SYDE1: variants seen among roughly 807,000 people sequenced by gnomAD.
SYDE1 encodes rho GTPase-activating protein SYDE1.
SYDE1 carries 34 observed loss-of-function variants against 63.3 expected under a neutral mutation model. The ratio of observed to expected loss-of-function variants is 0.54; its 90% confidence interval spans 0.41 to 0.71. SYDE1 has a LOEUF of 0.71. Ranked by LOEUF, SYDE1 falls within the 30% of genes least tolerant of loss-of-function variation. The pLI is 0.00. For synonymous variants in SYDE1, 467 were observed against 473.4 expected (o/e 0.99, Z 0.18); for missense variants, 925 against 1,042.5 (o/e 0.89, Z 1.55).
Position 15,110,858 on chromosome 19 carries a change from C to G in SYDE1, c.1290+123C>G. The G allele has an allele frequency of 1.2e-6, 1 of 869,260 alleles. No individual in the cohort carries two copies. Among genetic ancestry groups the G allele is most frequent in the Non-Finnish European group, 1.7e-6 (1 of 585,294 alleles). 53.8% of individuals were successfully genotyped at this position (869,260 alleles called of 1,614,324 possible). On this transcript the variant is annotated intron_variant, in intron 4 of 7. Coordinates refer to ENST00000342784, the MANE Select transcript of SYDE1 (RefSeq NM_033025.6). The surrounding 1 kb of genome is among the most constrained non-coding windows in gnomAD (Gnocchi z 6.9). ...GAGCCACTCCTAGCTCCAATCCCAACCTAGACAAGGGCAGAAGGCGCCCCC... is the reference window on the plus strand; with the variant it reads ...GAGCCACTCCTAGCTCCAATCCCAAGCTAGACAAGGGCAGAAGGCGCCCCC...
chr19:15,114,638 C>CCCG lies in SYDE1; in HGVS notation c.*675_*676insCCG, dbSNP rs59893213. 7.0e-6 allele frequency: 1 copy of CCCG among 143,606 alleles called. No homozygotes were observed. The highest frequency in any genetic ancestry group is 2.6e-5 in the African/African-American group (1 of 38,612). 8.9% of individuals were successfully genotyped at this position (143,606 alleles called of 1,614,324 possible). ...CTTGCCCCCCCCTTGCCCCCCCCCC[C>CCCG]GAAAAAAATTGAGCACTTAAACCCC... is the stretch of plus-strand genomic sequence containing the variant. On this transcript the variant is annotated 3_prime_UTR_variant, in exon 8 of 8. Transcript: ENST00000342784.
chr19:15,113,666 C>G lies in SYDE1; in HGVS notation c.1911C>G (p.Pro637=), dbSNP rs762522722. 5.6e-6 allele frequency: 9 copies of G among 1,613,134 alleles called. No individual in the cohort carries two copies. In the Middle Eastern group the frequency reaches 8.2e-4, roughly 147 times the overall value. ...CAGACCCCGAAGTGGTGACTCGGCC[C>G]CGCGGTCGAGGAGGCCCCGAAAGCC... ...PLADPEVVTR[P]RGRGGPESPP... The change falls in exon 8 of 8, where the codon CCC becomes CCG. Residue 637 remains proline (P), a synonymous_variant. Coordinates refer to ENST00000342784, the MANE Select transcript of SYDE1 (RefSeq NM_033025.6).
Position 15,110,672 on chromosome 19 carries a change from C to T in SYDE1, c.1227C>T (p.Pro409=), listed in dbSNP as rs201311398. ...CACTGCTGGTGGAGCGGGAGCGGCC[C>T]CCCGGCCAGGTGCCCCTCATCATCC... is the stretch of plus-strand genomic sequence containing the variant. ...PLPLLVERER[P]PGQVPLIIQK... Residue 409 remains proline, a synonymous_variant, in exon 4 of 8, where the codon CCC becomes CCT. Coordinates refer to ENST00000342784, the MANE Select transcript of SYDE1 (RefSeq NM_033025.6). The surrounding 1 kb of genome is among the most constrained non-coding windows in gnomAD (Gnocchi z 6.9). The T allele has an allele frequency of 9.7e-4, 1,533 of 1,583,818 alleles. 18 individuals are homozygous for T. In the African/African-American group the frequency reaches 0.019, roughly 19 times the overall value.
In SYDE1 at chr19:15,110,194, A is replaced by G; in HGVS notation, c.921A>G (p.Arg307=). ...GEARARTGPL[R]GGPDFLRLDH... ...CCAGGGCCCGAACAGGGCCACTGCG[A>G]GGGGGGCCGGACTTCCTGCGGCTGG... Residue 307 remains arginine (R), a synonymous_variant, in exon 3 of 8, where the codon CGA becomes CGG. Coordinates refer to ENST00000342784, the MANE Select transcript of SYDE1 (RefSeq NM_033025.6). The surrounding 1 kb of genome is among the most constrained non-coding windows in gnomAD (Gnocchi z 6.9). 7.1e-7 allele frequency: 1 copy of G among 1,413,744 alleles called. No individual in the cohort carries two copies. Among genetic ancestry groups the G allele is most frequent in the Non-Finnish European group, 9.2e-7 (1 of 1,086,750 alleles). 87.6% of individuals were successfully genotyped at this position (1,413,744 alleles called of 1,614,324 possible). A position where few individuals can be genotyped will look rare whatever the true frequency, so the allele number is the denominator to read the frequency against.
chr19:15,108,996 A>C lies in SYDE1; in HGVS notation c.89-60A>C. 1 of 1,436,824 alleles carries C rather than the reference A, an allele frequency of 7.0e-7. No individual in the cohort carries two copies. The highest frequency in any genetic ancestry group is 1.5e-5 in the South Asian group (1 of 67,576). 89.0% of individuals were successfully genotyped at this position (1,436,824 alleles called of 1,614,324 possible). ...CATCCCACCCACTGATCAATTGCAC[A>C]GGGCTGCTCTGCAGGCAGTGAGGGG... On this transcript the variant is annotated intron_variant, in intron 1 of 7. Coordinates refer to ENST00000342784, the MANE Select transcript of SYDE1 (RefSeq NM_033025.6). The surrounding 1 kb of genome is among the most constrained non-coding windows in gnomAD (Gnocchi z 4.3).
At position 15,109,767 on chromosome 19, in the gene SYDE1, G is replaced by T. The variant is rs767855988; in HGVS notation, c.494G>T (p.Arg165Leu). ...ACCAAGTCCCCGGGCCCCGCCAGGC[G>T]CCTCTCCATAAAGATGAAGAAGCTG... is the stretch of plus-strand genomic sequence containing the variant. ...SRTKSPGPAR[R>L]LSIKMKKLPE... The change falls in exon 3 of 8, where the codon CGC (arginine) becomes CTC (leucine). Residue 165 changes from arginine to leucine, a missense_variant. By Grantham distance (102) the Arg-to-Leu change is moderately radical (BLOSUM62 -2). Around this residue, in one of 3 missense-constraint regions of SYDE1, gnomAD observed 599 missense variants for 653.7 expected, o/e 0.92. Transcript: ENST00000342784. This position sits in a 1 kb window ranked among gnomAD's most constrained non-coding sequence, Gnocchi z 5.0. The T allele has an allele frequency of 1.3e-6, 2 of 1,538,000 alleles. No homozygotes were observed. The highest frequency in any genetic ancestry group is 1.7e-6 in the Non-Finnish European group (2 of 1,144,420).
At chr19:15,113,455 G>A (rs1368460715) in intron 7 of SYDE1, 105 bp from the exon 8 acceptor site, 185 of 1,362,310 alleles carry the variant, frequency 1.4e-4, no homozygotes, top group Non-Finnish European at 7.9e-6. Context: ...AACCTGAAAG[G>A]GTCGAAGGCC....
chr19:15,111,310 C>A lies in SYDE1; in HGVS notation c.1291-3C>A. 6.2e-7 allele frequency: 1 copy of A among 1,614,096 alleles called. No individual in the cohort carries two copies. The highest frequency in any genetic ancestry group is 8.5e-7 in the Non-Finnish European group (1 of 1,179,972). ...GACATTCACTCTCTCTTCCCACCCC[C>A]AGGTAGTGGGACTGTACCGTCTTTG... is the stretch of plus-strand genomic sequence containing the variant. On this transcript the variant is annotated splice_polypyrimidine_tract_variant and splice_region_variant and intron_variant, in intron 4 of 7. Transcript: ENST00000342784. The surrounding 1 kb of genome is among the most constrained non-coding windows in gnomAD (Gnocchi z 5.5).
In SYDE1 at chr19:15,107,903, G is replaced by A. The variant is rs140989843; in HGVS notation, c.88+382G>A. On this transcript the variant is annotated intron_variant, in intron 1 of 7. Transcript: ENST00000342784. The stretch of plus-strand genomic sequence containing the variant: ...AAGGGGCATCGGGAGCCCTGGAGGC[G>A]CAGGATGGGAGATGGGAGGCGTACT... Among the ~76,000 whole-genome samples, 774 of 152,242 alleles carry A rather than the reference G, an allele frequency of 5.1e-3. 7 individuals are homozygous for A. The highest frequency in any genetic ancestry group is 0.018 in the African/African-American group (750 of 41,558).
chr19:15,110,091 A>G lies in SYDE1; in HGVS notation c.818A>G (p.Tyr273Cys). The G allele has an allele frequency of 6.9e-7, 1 of 1,453,852 alleles. No homozygotes were observed. The highest frequency in any genetic ancestry group is 1.4e-5 in the South Asian group (1 of 72,862). The allele number at this position is 1,453,852 out of a possible 1,614,324, so 90.1% of individuals were successfully genotyped here. ...ALWGRLSLHLYGLGGLRPAPG... is the reference protein window; with the variant it reads ...ALWGRLSLHLCGLGGLRPAPG... ...TGGGGCCGCCTCAGCCTGCACCTGT[A>G]CGGTCTCGGGGGGCTGCGGCCAGCG... The change falls in exon 3 of 8, where the codon TAC becomes TGC. Residue 273 changes from tyrosine to cysteine, a missense_variant. Around this residue, in one of 3 missense-constraint regions of SYDE1, gnomAD observed 599 missense variants for 653.7 expected, o/e 0.92. Transcript: ENST00000342784. The surrounding 1 kb of genome is among the most constrained non-coding windows in gnomAD (Gnocchi z 6.9).
chr19:15,112,401 A>T lies in SYDE1; in HGVS notation c.1634A>T (p.Tyr545Phe). ...CGCCTCGTCTCCTCCTTCCATGCCT[A>T]CAACCGCATGACCCCACAGAACTTG... Reference protein sequence around the residue: ...HLRLVSSFHAYNRMTPQNLAV... With the variant: ...HLRLVSSFHAFNRMTPQNLAV... The change falls in exon 7 of 8, where the codon TAC becomes TTC. Residue 545 changes from tyrosine (Y) to phenylalanine (F), a missense_variant. Tyr to Phe is a conservative substitution (Grantham distance 22). Around this residue, in one of 3 missense-constraint regions of SYDE1, gnomAD observed 71 missense variants for 132.8 expected, o/e 0.53. Coordinates refer to ENST00000342784, the MANE Select transcript of SYDE1 (RefSeq NM_033025.6). The T allele has an allele frequency of 1.3e-6, 2 of 1,598,212 alleles. No homozygotes were observed. Among genetic ancestry groups the T allele is most frequent in the South Asian group, 2.3e-5 (2 of 88,388 alleles).
rs759330030 is a variant in SYDE1 at position 15,111,371 on chromosome 19, C to G, written c.1349C>G (p.Ala450Gly). The G allele has an allele frequency of 6.2e-7, 1 of 1,613,968 alleles. No homozygotes were observed. Among genetic ancestry groups the G allele is most frequent in the Non-Finnish European group, 8.5e-7 (1 of 1,180,000 alleles). Residue 450 changes from alanine (A) to glycine (G), a missense_variant, in exon 5 of 8, where the codon GCC becomes GGC. Ala to Gly is a moderately conservative substitution (Grantham distance 60). Transcript: ENST00000342784. This position sits in a 1 kb window ranked among gnomAD's most constrained non-coding sequence, Gnocchi z 5.5. Reference sequence around the variant, plus strand: ...GCAGTGAAGAAAGAGCTTCGGGATGCCTTTGAGCGGGACAGTGCAGCGGTC... The same window carrying G: ...GCAGTGAAGAAAGAGCTTCGGGATGGCTTTGAGCGGGACAGTGCAGCGGTC... ...SAAVKKELRD[A>G]FERDSAAVCL...
In SYDE1 at chr19:15,107,517, G is replaced by A; in HGVS notation, c.84G>A (p.Glu28=). 1 of 1,542,384 alleles carries A rather than the reference G, an allele frequency of 6.5e-7. No homozygotes were observed. The highest frequency in any genetic ancestry group is 1.4e-5 in the African/African-American group (1 of 72,896). ...CCCGGAAAAAGTCGGACGCCAAGGA[G>A]CGCGGTAAGCGGAGATCGGTGGGGA... The part of the protein sequence containing the change: ...KLPRKKSDAK[E]RGHPAQRPEP... The change falls in exon 1 of 8, where the codon GAG becomes GAA. Residue 28 remains glutamate (E), a synonymous_variant. Coordinates refer to ENST00000342784, the MANE Select transcript of SYDE1 (RefSeq NM_033025.6).
At position 15,109,986 on chromosome 19, in the gene SYDE1, G is replaced by T; in HGVS notation, c.713G>T (p.Arg238Leu). The change falls in exon 3 of 8, where the codon CGC becomes CTC. Residue 238 changes from arginine (R) to leucine (L), a missense_variant. Around this residue, in one of 3 missense-constraint regions of SYDE1, gnomAD observed 599 missense variants for 653.7 expected, o/e 0.92. Transcript: ENST00000342784. This position sits in a 1 kb window ranked among gnomAD's most constrained non-coding sequence, Gnocchi z 5.0. Reference sequence around the variant, plus strand: ...CTCAGCGACGGGGACTCACCGGAGCGCCCAGCTGGGCCCCCATCACCCACC... The same window carrying T: ...CTCAGCGACGGGGACTCACCGGAGCTCCCAGCTGGGCCCCCATCACCCACC... ...GYLSDGDSPE[R>L]PAGPPSPTSF... 2 of 1,490,088 alleles carry T rather than the reference G, an allele frequency of 1.3e-6. No homozygotes were observed. The highest frequency in any genetic ancestry group is 2.7e-5 in the East Asian group (1 of 37,524). The allele number at this position is 1,490,088 out of a possible 1,614,324, so 92.3% of individuals were successfully genotyped here. A position where few individuals can be genotyped will look rare whatever the true frequency, so the allele number is the denominator to read the frequency against.
chr19:15,109,338 C>A lies in SYDE1; in HGVS notation c.371C>A (p.Ala124Glu). The A allele has an allele frequency of 6.2e-7, 1 of 1,602,368 alleles. No individual in the cohort carries two copies. Among genetic ancestry groups the A allele is most frequent in the Non-Finnish European group, 8.5e-7 (1 of 1,173,368 alleles). Residue 124 changes from alanine to glutamate, a missense_variant, in exon 2 of 8, where the codon GCA (alanine) becomes GAA (glutamate). This residue lies in a region of SYDE1 where 599 missense variants were observed against 653.7 expected (regional missense o/e 0.92). Transcript: ENST00000342784. This position sits in a 1 kb window ranked among gnomAD's most constrained non-coding sequence, Gnocchi z 5.0. ...PIPEEDPRPP[A>E]PEPPGPQPGS... ...CCTGAGGAAGACCCCAGACCTCCAG[C>A]ACCTGAGCCCCCGGGGCCACAGCCT...
rs746001550 is a variant in SYDE1 at position 15,113,924 on chromosome 19, GGA to G, written c.2177_2178del (p.Glu726AlafsTer20). ...KDFDALILDL[E>X]RELSKQINVC... ...ACTTCGACGCCCTCATCCTGGATCT[GGA>G]GAGAGAGCTCTCCAAGCAAATCAAC... On this transcript the variant is annotated frameshift_variant, in exon 8 of 8. Transcript: ENST00000342784. LOFTEE classifies it high-confidence loss of function. 4.3e-6 allele frequency: 7 copies of G among 1,613,822 alleles called. No individual in the cohort carries two copies. The highest frequency in any genetic ancestry group is 2.7e-5 in the African/African-American group (2 of 74,938).
In SYDE1 at chr19:15,109,390, C is replaced by G; in HGVS notation, c.423C>G (p.Ala141=). The G allele has an allele frequency of 6.5e-7, 1 of 1,543,614 alleles. No individual in the cohort carries two copies. ...QPGSAESEGL[A]PQGAAPASPP... is the part of the protein sequence containing the mutation. ...GCTCAGCTGAGTCAGAGGGCCTGGC[C>G]CCCCAAGGTAAGAACAAGCTTCCCA... The change falls in exon 2 of 8, where the codon GCC becomes GCG. Residue 141 remains alanine (A), a synonymous_variant. Coordinates refer to ENST00000342784, the MANE Select transcript of SYDE1 (RefSeq NM_033025.6). The surrounding 1 kb of genome is among the most constrained non-coding windows in gnomAD (Gnocchi z 5.0).
chr19:15,112,878 C>T (rs1425815547), intron 7 of SYDE1, among the ~76,000 whole-genome samples: 1 of 152,106 alleles, frequency 6.6e-6, no homozygotes, highest in Non-Finnish European at 1.5e-5. Context: ...TCACCTTGCC[C>T]CACAGAGCTG....
chr19:15,109,806 G>A lies in SYDE1; in HGVS notation c.533G>A (p.Arg178His), dbSNP rs898541581. 41 of 1,535,176 alleles carry A rather than the reference G, an allele frequency of 2.7e-5. No homozygotes were observed. Among genetic ancestry groups the A allele is most frequent in the Admixed American group, 5.9e-5 (3 of 50,866 alleles). ...IKMKKLPELR[R>H]RLSLRGPRAG... is the part of the protein sequence containing the mutation. ...ATGAAGAAGCTGCCGGAACTGCGGC[G>A]CCGCCTGAGCCTGCGAGGCCCCCGG... The change falls in exon 3 of 8, where the codon CGC becomes CAC. Residue 178 changes from arginine to histidine, a missense_variant. Arg to His is a conservative substitution (Grantham distance 29). Coordinates refer to ENST00000342784, the MANE Select transcript of SYDE1 (RefSeq NM_033025.6). This position sits in a 1 kb window ranked among gnomAD's most constrained non-coding sequence, Gnocchi z 5.0.
Sources: allele counts gnomAD v4.1 joint callset (sites outside exome capture counted in the v4.1 genomes callset), GRCh38; gene constraint gnomAD v4.1.1; regional missense constraint gnomAD v4.1.1; non-coding constraint Gnocchi (gnomAD v3.1); transcripts MANE v1.5; gene names NCBI Gene and HGNC (gene_info 2026-07-23, HGNC 2026-07-21).